Variants in CFAP46 observed in about 807,000 individuals in gnomAD.
CFAP46 encodes the protein cilia- and flagella-associated protein 46.
Under a neutral mutation model 325.7 loss-of-function variants are expected in CFAP46, and 245 were observed. The ratio of observed to expected loss-of-function variants is 0.75; its 90% CI spans 0.68 to 0.84. The LOEUF (loss-of-function observed/expected upper bound fraction) is 0.84. Ranked by LOEUF, CFAP46 falls within the 40% of genes least tolerant of loss-of-function variation. CFAP46 has a pLI of 0.00. For missense variants in CFAP46, 3,346 were observed against 3,543.0 expected, an observed-to-expected ratio of 0.94 and a Z score of 1.41; for synonymous variants, 1,523 against 1,495.9, an observed-to-expected ratio of 1.02 and a Z score of -0.42.
intron 8 of CFAP46, among the ~76,000 whole-genome samples, chr10:132,933,695 A>G (rs764866123): frequency 6.6e-5 from 10 of 152,182 alleles, no homozygotes; most frequent in Non-Finnish European, 1.2e-4. Context: ...CGGAGACCTC[A>G]ATGTTGGGCA....
At chr10:132,888,309 C>T (rs931404612) in intron 25 of CFAP46, among the ~76,000 whole-genome samples, 1 of 139,534 alleles carries the variant, frequency 7.2e-6, no homozygotes, top group Non-Finnish European at 1.5e-5. Context: ...AGCCTGTACC[C>T]CTGCCACCTT....
In CFAP46 at chr10:132,879,486, G is replaced by A. The variant is rs537301234; in HGVS notation, c.3945C>T (p.Gly1315=). 72 of 1,546,490 alleles carry A rather than the reference G, an allele frequency of 4.7e-5. 1 individual carries two copies. The South Asian group carries it at 5.5e-4, about 12-fold the overall frequency. ...GGCAGCAGTCCTCGTAGCCCTCGGCGCCCGGCGACAGCACCAGGGCCAGCA... is the reference window on the plus strand; with the variant it reads ...GGCAGCAGTCCTCGTAGCCCTCGGCACCCGGCGACAGCACCAGGGCCAGCA... The part of the protein sequence containing the change: ...HILLALVLSP[G]AEGYEDCCLA... Residue 1315 remains glycine (G), a synonymous_variant, in exon 29 of 58, where the codon GGC becomes GGT. Coordinates refer to ENST00000368586, the MANE Select transcript of CFAP46 (RefSeq NM_001200049.3).
At chr10:132,892,967 A>G (rs1278589688) in intron 24 of CFAP46, among the ~76,000 whole-genome samples, 1 of 152,220 alleles carries the variant, frequency 6.6e-6, no homozygotes, top group African/African-American at 2.4e-5. Flanking sequence ...TCTCTCTAAA[A>G]TAATAACTGG....
Position 132,828,588 on chromosome 10 carries a change from C to T in CFAP46, c.7117+4770G>A, listed in dbSNP as rs116628050. Reference sequence around the variant, plus strand: ...TTCTTTATATAGTCTAAATTTGTTACTGTTATCAGATTCTTCCAGTCTTGG... The same window carrying T: ...TTCTTTATATAGTCTAAATTTGTTATTGTTATCAGATTCTTCCAGTCTTGG... On this transcript the variant is annotated intron_variant, in intron 50 of 57. Transcript: ENST00000368586. The surrounding 1 kb of genome is among the most constrained non-coding windows in gnomAD (Gnocchi z 4.9). 5.9e-3 allele frequency among the ~76,000 whole-genome samples: 904 copies of T among 152,190 alleles called. 8 individuals carry two copies. The highest frequency in any genetic ancestry group is 0.02 in the African/African-American group (834 of 41,508).
intron 3 of CFAP46, 134 bp downstream of exon 3, chr10:132,941,457 C>G: frequency 8.2e-7 from 1 of 1,213,454 alleles, no homozygotes; most frequent in Non-Finnish European, 1.2e-6. Flanking sequence ...GTGCAAGTTT[C>G]GTGTCACTCT....
At chr10:132,821,950 CT>C (rs1847849769) in intron 50 of CFAP46, among the ~76,000 whole-genome samples, 1 of 106,868 alleles carries the variant, frequency 9.4e-6, no homozygotes, top group African/African-American at 3.8e-5. Context: ...TGTGTGTGCG[CT>C]TGTGTGTGCT....
In CFAP46 at chr10:132,868,288, T is replaced by C. The variant is rs1252778328; in HGVS notation, c.4611-781A>G. On this transcript the variant is annotated intron_variant, in intron 33 of 57. Coordinates refer to ENST00000368586, the MANE Select transcript of CFAP46 (RefSeq NM_001200049.3). The stretch of plus-strand genomic sequence containing the variant: ...CCACCCTCCACAGCTCGTAAACAAA[T>C]GAACAGCAGGGAACCAGGACCCTAT... Among the ~76,000 whole-genome samples the C allele has an allele frequency of 4.6e-5, 7 of 152,104 alleles. No homozygotes were observed. The East Asian group carries it at 1.4e-3, about 29-fold the overall frequency.
In CFAP46 at chr10:132,922,573, C is replaced by A. The variant is rs1446016858; in HGVS notation, c.1392G>T (p.Arg464Ser). ...GCAGCCGGGTGGAGGCCATCTGGAT[C>A]CTGTCCCGGTAGAGGCCCAGGCTGT... ...RLDSLGLYRD[R>S]IQMASTRLRL... The change falls in exon 12 of 58, where the codon AGG becomes AGT. Residue 464 changes from arginine (R) to serine (S), a missense_variant. Transcript: ENST00000368586. 2 of 1,548,380 alleles carry A rather than the reference C, an allele frequency of 1.3e-6. No individual in the cohort carries two copies. Among genetic ancestry groups the A allele is most frequent in the African/African-American group, 2.7e-5 (2 of 73,052 alleles).
In CFAP46 at chr10:132,929,794, G is replaced by A; in HGVS notation, c.877C>T (p.Leu293Phe). Reference protein sequence around the residue: ...PSISEEKMLLLFELARFSLTL... With the variant: ...PSISEEKMLLFFELARFSLTL... The stretch of plus-strand genomic sequence containing the variant: ...AAGGAAAAACGCGCCAATTCAAAAA[G>A]CAAAAGCATTCTGCAAACAAACAAA... The change falls in exon 9 of 58, where the codon CTT becomes TTT. Residue 293 changes from leucine to phenylalanine, a missense_variant. Leu to Phe is a conservative substitution (Grantham distance 22). Coordinates refer to ENST00000368586, the MANE Select transcript of CFAP46 (RefSeq NM_001200049.3). 1 of 1,607,914 alleles carries A rather than the reference G, an allele frequency of 6.2e-7. No homozygotes were observed. The highest frequency in any genetic ancestry group is 8.5e-7 in the Non-Finnish European group (1 of 1,175,492).
Position 132,832,453 on chromosome 10 carries a change from G to A in CFAP46, c.7117+905C>T, listed in dbSNP as rs1033216189. Among the ~76,000 whole-genome samples, 10 of 147,580 alleles carry A rather than the reference G, an allele frequency of 6.8e-5. No homozygotes were observed. Among genetic ancestry groups the A allele is most frequent in the East Asian group, 4.0e-4 (2 of 4,990 alleles). The stretch of plus-strand genomic sequence containing the variant: ...GAGTAAGACCTGGGTGGGCCATGGC[G>A]CTCGCCAGCCAAACCCCCTTCGAGG... On this transcript the variant is annotated intron_variant, in intron 50 of 57. Coordinates refer to ENST00000368586, the MANE Select transcript of CFAP46 (RefSeq NM_001200049.3). This position sits in a 1 kb window ranked among gnomAD's most constrained non-coding sequence, Gnocchi z 4.1.
Position 132,908,608 on chromosome 10 carries a change from G to A in CFAP46, c.2784C>T (p.Asn928=). 1.3e-6 allele frequency: 2 copies of A among 1,542,204 alleles called. No individual in the cohort carries two copies. The highest frequency in any genetic ancestry group is 8.8e-7 in the Non-Finnish European group (1 of 1,142,042). The change falls in exon 22 of 58, where the codon AAC becomes AAT. Residue 928 remains asparagine, a synonymous_variant. Transcript: ENST00000368586. ...AQLVKMASEC[N]WSDPLVELQT... ...GCAGCTCCACCAGGGGGTCCGACCA[G>A]TTGCACTCGGAAGCCATTTTCACCA...
chr10:132,848,199 A>T (rs1848473253), intron 41 of CFAP46, among the ~76,000 whole-genome samples: 3 of 152,228 alleles, frequency 2.0e-5, no homozygotes, highest in Admixed American at 2.0e-4. Flanking sequence ...ACCCGTGAGA[A>T]ACAGTCGCCT....
In CFAP46 at chr10:132,880,781, G is replaced by A. The variant is rs1236332510; in HGVS notation, c.3799+80C>T. On this transcript the variant is annotated intron_variant, in intron 28 of 57. Coordinates refer to ENST00000368586, the MANE Select transcript of CFAP46 (RefSeq NM_001200049.3). ...CTGCACAGACACATGGATACCCAAC[G>A]GCGGTCCAGATCACGGAGCAGGAAG... 1.7e-5 allele frequency: 25 copies of A among 1,472,812 alleles called. No homozygotes were observed. The East Asian group carries it at 1.7e-4, about 10-fold the overall frequency. The allele number at this position is 1,472,812 out of a possible 1,614,324, so 91.2% of individuals were successfully genotyped here.
rs1467011549 is a variant in CFAP46 at position 132,828,015 on chromosome 10, CA to C, written c.7117+5342del. On this transcript the variant is annotated intron_variant, in intron 50 of 57. Coordinates refer to ENST00000368586, the MANE Select transcript of CFAP46 (RefSeq NM_001200049.3). The surrounding 1 kb of genome is among the most constrained non-coding windows in gnomAD (Gnocchi z 4.9). Reference sequence around the variant, plus strand: ...GCCCCGTCTACGCTGTCCCACGCACCAACAGCTCGCCCCTCATTGCCGGGCA... The same window carrying C: ...GCCCCGTCTACGCTGTCCCACGCACCACAGCTCGCCCCTCATTGCCGGGCA... Among the ~76,000 whole-genome samples the C allele has an allele frequency of 1.3e-5, 2 of 151,940 alleles. No individual in the cohort carries two copies. The highest frequency in any genetic ancestry group is 2.9e-5 in the Non-Finnish European group (2 of 68,030).
Position 132,912,590 on chromosome 10 carries a change from TCTCTCTC to T in CFAP46, c.2499+58_2499+64del, listed in dbSNP as rs879061966. The T allele has an allele frequency of 6.0e-3, 8,451 of 1,413,602 alleles. 50 individuals are homozygous for T. Among genetic ancestry groups the T allele is most frequent in the Middle Eastern group, 0.01 (56 of 5,574 alleles). The allele number at this position is 1,413,602 out of a possible 1,614,324, so 87.6% of individuals were successfully genotyped here. On this transcript the variant is annotated intron_variant, in intron 19 of 57. Coordinates refer to ENST00000368586, the MANE Select transcript of CFAP46 (RefSeq NM_001200049.3). Reference sequence around the variant, plus strand: ...CCTCTTTCACCTCTCCTCTCCTCTCTCTCTCTCCTCTCTCCTCTCTCTCTCTCTCTCT... The same window carrying T: ...CCTCTTTCACCTCTCCTCTCCTCTCTCTCTCTCCTCTCTCTCTCTCTCTCT...
At position 132,828,767 on chromosome 10, in the gene CFAP46, G is replaced by A. The variant is rs1456480067; in HGVS notation, c.7117+4591C>T. Among the ~76,000 whole-genome samples, 5 of 152,084 alleles carry A rather than the reference G, an allele frequency of 3.3e-5. No individual in the cohort carries two copies. The highest frequency in any genetic ancestry group is 1.9e-4 in the East Asian group (1 of 5,182). ...GAGCTGATTTTCCTGCGTGGCGTGCGGCCTCGTTTTTGTTGTGTTTCGTTC... is the reference window on the plus strand; with the variant it reads ...GAGCTGATTTTCCTGCGTGGCGTGCAGCCTCGTTTTTGTTGTGTTTCGTTC... On this transcript the variant is annotated intron_variant, in intron 50 of 57. Coordinates refer to ENST00000368586, the MANE Select transcript of CFAP46 (RefSeq NM_001200049.3). This position sits in a 1 kb window ranked among gnomAD's most constrained non-coding sequence, Gnocchi z 4.9.
At chr10:132,825,365 C>A (rs1848028164) in intron 50 of CFAP46, among the ~76,000 whole-genome samples, 1 of 152,128 alleles carries the variant, frequency 6.6e-6, no homozygotes, top group African/African-American at 2.4e-5. Flanking sequence ...GGCTCAGAAC[C>A]CACTGGGAGG....
chr10:132,878,035 GCTGCCAGGGGT>G lies in CFAP46; in HGVS notation c.4047_4057del (p.Arg1349SerfsTer10). ...AGGCAATAACAGATGTGAGCTGGTTGCTGCCAGGGGTCTGTTTTCCAGAACTGATTTTCCTG... is the reference window on the plus strand; with the variant it reads ...AGGCAATAACAGATGTGAGCTGGTTGCTGTTTTCCAGAACTGATTTTCCTG... On this transcript the variant is annotated frameshift_variant, in exon 30 of 58. Transcript: ENST00000368586. LOFTEE classifies it high-confidence loss of function. 6.5e-7 allele frequency: 1 copy of G among 1,549,670 alleles called. No individual in the cohort carries two copies. The highest frequency in any genetic ancestry group is 8.7e-7 in the Non-Finnish European group (1 of 1,146,690).
At chr10:132,826,544 G>A (rs1185569782) in intron 50 of CFAP46, among the ~76,000 whole-genome samples, 2 of 139,286 alleles carry the variant, frequency 1.4e-5, no homozygotes, top group African/African-American at 2.8e-5. Flanking sequence ...CAGCCACGGA[G>A]CCAGGCAGGA....
Sources: allele counts gnomAD v4.1 joint callset (sites outside exome capture counted in the v4.1 genomes callset), GRCh38; gene constraint gnomAD v4.1.1; non-coding constraint Gnocchi (gnomAD v3.1); transcripts MANE v1.5; gene names NCBI Gene and HGNC (gene_info 2026-07-23, HGNC 2026-07-21).